The following SRGAP3 variants were observed in gnomAD, a reference collection of about 807,000 sequenced individuals.
SRGAP3 encodes the protein SLIT-ROBO Rho GTPase activating protein 3, also known as SLIT-ROBO Rho GTPase-activating protein 3.
In SRGAP3, 39 loss-of-function variants were observed where a neutral mutation model predicts 121.1. The observed-to-expected ratio is 0.32, with a 90% CI of 0.25 to 0.42. The LOEUF (loss-of-function observed/expected upper bound fraction) is 0.42. SRGAP3 is among the 10% of genes least tolerant of loss of function. The probability of loss-of-function intolerance (pLI) is 1.00; values close to 1 mark genes in which losing one functional copy is unlikely to be tolerated. For synonymous variants in SRGAP3, 601 were observed against 570.0 expected (o/e 1.05, Z -0.77); for missense variants, 1,213 against 1,470.6 (o/e 0.82, Z 2.86).
intron 3 of SRGAP3, among the ~76,000 whole-genome samples, chr3:9,091,408 T>G (rs899211224): frequency 3.3e-5 from 5 of 152,104 alleles, no homozygotes; most frequent in Non-Finnish European, 7.3e-5. Flanking sequence ...ACAAAATCCT[T>G]TGTCTCTTTC....
intron 1 of SRGAP3, among the ~76,000 whole-genome samples, chr3:9,146,685 G>A (rs965314041): frequency 2.6e-5 from 4 of 152,178 alleles, no homozygotes; most frequent in Admixed American, 2.6e-4. Context: ...TGGTTCTAGA[G>A]CAACACAGAC....
chr3:9,063,789 G>A (rs1056452682), intron 5 of SRGAP3, among the ~76,000 whole-genome samples: 32 of 152,144 alleles, frequency 2.1e-4, no homozygotes, highest in Admixed American at 1.6e-3. Flanking sequence ...TGTTGTAAAC[G>A]TGGCATTTTC....
At chr3:9,078,966 G>C (rs868688528) in intron 4 of SRGAP3, among the ~76,000 whole-genome samples, 1 of 152,158 alleles carries the variant, frequency 6.6e-6, no homozygotes, top group African/African-American at 2.4e-5. Flanking sequence ...GGGATCTGAG[G>C]CAGGCTTTCT....
intron 12 of SRGAP3, among the ~76,000 whole-genome samples, chr3:9,029,340 T>G (rs1944366174): frequency 6.6e-6 from 1 of 152,174 alleles, no homozygotes; most frequent in South Asian, 2.1e-4. Context: ...GTCCCAGAGG[T>G]GAACCTCCTG....
intron 1 of SRGAP3, among the ~76,000 whole-genome samples, chr3:9,139,248 C>T (rs1949768307): frequency 6.6e-6 from 1 of 152,090 alleles, no homozygotes; most frequent in South Asian, 2.1e-4. Context: ...ATAATGACCC[C>T]CAAGAGACAT....
chr3:9,255,882 T>C (rs1954121650), intron 3 of SRGAP3, among the ~76,000 whole-genome samples: 1 of 152,160 alleles, frequency 6.6e-6, no homozygotes, highest in African/African-American at 2.4e-5. Context: ...TGAGATAGGT[T>C]ATATTTTTCC....
At chr3:9,139,523 G>C (rs1165518926) in intron 1 of SRGAP3, among the ~76,000 whole-genome samples, 1 of 152,254 alleles carries the variant, frequency 6.6e-6, no homozygotes, top group Non-Finnish European at 1.5e-5. Flanking sequence ...CCAGAAACTG[G>C]AAGAGACAAG....
intron 18 of SRGAP3, among the ~76,000 whole-genome samples, chr3:8,999,760 CGGT>C (rs1559877009): frequency 6.6e-6 from 1 of 152,010 alleles, no homozygotes; most frequent in East Asian, 1.9e-4. Flanking sequence ...TCTTTGCATT[CGGT>C]GGTGGCACCA....
chr3:9,025,095 G>C (rs536223996), intron 14 of SRGAP3, among the ~76,000 whole-genome samples, 166 bp downstream of exon 14: 3 of 152,170 alleles, frequency 2.0e-5, no homozygotes, highest in Non-Finnish European at 4.4e-5. Flanking sequence ...CTTATTCCAA[G>C]TACCAGGACA....
intron 2 of SRGAP3, among the ~76,000 whole-genome samples, chr3:9,115,464 C>T (rs979039695): frequency 2.6e-5 from 4 of 152,094 alleles, no homozygotes; most frequent in African/African-American, 7.2e-5. Flanking sequence ...AAAGAAATCA[C>T]GTCCTAGTTA....
chr3:9,274,539 T>C lies in SRGAP3; in HGVS notation n.442+51471A>G, dbSNP rs539213702. On this transcript the variant is annotated intron_variant and non_coding_transcript_variant, in intron 3 of 3. Transcript: ENST00000490889. ...GACCCCTGAAGCCCCAGAAGGAGCG[T>C]TACAGTGCCCTTTTAGCTTTGTCGT... 2.6e-5 allele frequency among the ~76,000 whole-genome samples: 4 copies of C among 152,306 alleles called. No homozygotes were observed. In the South Asian group the frequency reaches 8.3e-4, roughly 32 times the overall value.
intron 3 of SRGAP3, among the ~76,000 whole-genome samples, chr3:9,295,610 T>C (rs866731230): frequency 6.6e-6 from 1 of 150,804 alleles, no homozygotes; most frequent in African/African-American, 2.4e-5. Context: ...TTCCATTTTT[T>C]AGCTCTTTTT....
At chr3:9,302,294 C>A (rs1955072356) in intron 3 of SRGAP3, among the ~76,000 whole-genome samples, 2 of 152,140 alleles carry the variant, frequency 1.3e-5, no homozygotes, top group Non-Finnish European at 2.9e-5. Flanking sequence ...GAATGAGAAA[C>A]GGGAGGGTGC....
At chr3:9,356,210 T>TTTTTTTTTTTTTTTTTTG (rs1559291019) in intron 1 of SRGAP3, among the ~76,000 whole-genome samples, 1 of 139,958 alleles carries the variant, frequency 7.1e-6, no homozygotes, top group African/African-American at 2.9e-5. Context: ...TTTTTTTTTT[T>TTTTTTTTTTTTTTTTTTG]TGAGACAGGA....
rs558123780 is a variant in SRGAP3 at position 9,007,073 on chromosome 3, C to T, written c.2227+3235G>A. The T allele has an allele frequency of 2.6e-5, 4 of 151,682 alleles. No homozygotes were observed. The East Asian group carries it at 5.8e-4, about 22-fold the overall frequency. The allele number at this position is 151,682 out of a possible 1,614,324, so 9.4% of individuals were successfully genotyped here. On this transcript the variant is annotated intron_variant, in intron 18 of 21. Transcript: ENST00000383836. The stretch of plus-strand genomic sequence containing the variant: ...CCTCCCTGGGCTTAAGTAATTCTCC[C>T]ACTTCAGCCTCCTGAGTTGCTGGGA...
In SRGAP3 at chr3:9,025,139, C is replaced by T. The variant is rs374669800; in HGVS notation, c.1678+122G>A. On this transcript the variant is annotated intron_variant, in intron 14 of 21. Transcript: ENST00000383836. ...GCATGTGAAGTTGGGAAGAGATGTG[C>T]ACAATCAGCTCCTGCAAACCACTGC... 7 of 968,928 alleles carry T rather than the reference C, an allele frequency of 7.2e-6. No homozygotes were observed. In the African/African-American group the frequency reaches 8.0e-5, roughly 11 times the overall value. The allele number at this position is 968,928 out of a possible 1,614,324, so 60.0% of individuals were successfully genotyped here.
intron 1 of SRGAP3, among the ~76,000 whole-genome samples, chr3:9,200,540 C>T (rs1310217045): frequency 6.6e-6 from 1 of 152,122 alleles, no homozygotes; most frequent in Non-Finnish European, 1.5e-5. Context: ...AGTAATTCTG[C>T]CCCCAAAAAG....
At chr3:9,282,926 A>G (rs746660442) in intron 3 of SRGAP3, among the ~76,000 whole-genome samples, 143 of 152,132 alleles carry the variant, frequency 9.4e-4, no homozygotes, top group Non-Finnish European at 1.7e-3. Flanking sequence ...AAATTCAGCA[A>G]GTGGTAGTTT....
intron 1 of SRGAP3, among the ~76,000 whole-genome samples, chr3:9,154,740 G>C (rs1181857792): frequency 6.6e-6 from 1 of 152,092 alleles, no homozygotes; most frequent in Non-Finnish European, 1.5e-5. Context: ...GCTCTCAAAA[G>C]TCAGGACATT....
Sources: gnomAD v4.1 joint callset for allele counts (sites outside exome capture counted in the v4.1 genomes callset) on GRCh38, gnomAD v4.1.1 for gene constraint, MANE v1.5 for transcripts, NCBI Gene and HGNC (gene_info 2026-07-23, HGNC 2026-07-21) for gene names.